The following PIN1 variants were observed in gnomAD, a reference collection of about 807,000 sequenced individuals.
PIN1 encodes peptidylprolyl cis/trans isomerase, NIMA-interacting 1.
A neutral mutation model predicts 19.9 loss-of-function variants in PIN1; 8 were observed. The observed-to-expected ratio is 0.40, with a 90% CI of 0.24 to 0.72. The LOEUF is 0.72. Among genes scored for constraint, PIN1 ranks in the 30% least tolerant of loss-of-function variants. The probability of loss-of-function intolerance (pLI) is 0.37; values close to 1 mark genes in which losing one functional copy is unlikely to be tolerated. For missense variants in PIN1, 185 were observed against 226.5 expected, an observed-to-expected ratio of 0.82 and a Z score of 1.18; for synonymous variants, 86 against 90.8, an observed-to-expected ratio of 0.95 and a Z score of 0.30.
chr19:9,845,372 C>CGTTTTTTT (rs1255254850), intron 2 of PIN1, among the ~76,000 whole-genome samples: 1 of 94,468 alleles, frequency 1.1e-5, no homozygotes, highest in African/African-American at 3.7e-5. Context: ...CAAGAGAAAG[C>CGTTTTTTT]GTTTTTTTGT....
At chr19:9,848,559 T>C (rs1599456396) in intron 3 of PIN1, 7 of 262,158 alleles carry the variant, frequency 2.7e-5, no homozygotes, top group East Asian at 9.8e-5. Context: ...GCCCTGAGTT[T>C]AGGCCTGTCT....
intron 2 of PIN1, among the ~76,000 whole-genome samples, chr19:9,845,984 C>G (rs1432664728): frequency 6.6e-6 from 1 of 152,062 alleles, no homozygotes; most frequent in African/African-American, 2.4e-5. Flanking sequence ...GCTTAGTGGT[C>G]CAGACAGAAG....
chr19:9,838,362 G>A lies in PIN1; in HGVS notation c.59-74G>A. ...CCCCTGCAAGCCAGGCCCTCACCCT[G>A]GCTTCTGGCTGTGGGCCCAGGGGTG... On this transcript the variant is annotated intron_variant, in intron 1 of 3. Transcript: ENST00000247970. This position sits in a 1 kb window ranked among gnomAD's most constrained non-coding sequence, Gnocchi z 5.8. The A allele has an allele frequency of 8.2e-7, 1 of 1,226,520 alleles. No homozygotes were observed. The highest frequency in any genetic ancestry group is 2.0e-5 in the Admixed American group (1 of 50,620). 76.0% of individuals were successfully genotyped at this position (1,226,520 alleles called of 1,614,324 possible). A position where few individuals can be genotyped will look rare whatever the true frequency, so the allele number is the denominator to read the frequency against.
chr19:9,849,156 T>C lies in PIN1; in HGVS notation c.449T>C (p.Val150Ala). ...CGGACGGGGGAGATGAGCGGGCCCGTGTTCACGGATTCCGGCATCCACATC... is the reference window on the plus strand; with the variant it reads ...CGGACGGGGGAGATGAGCGGGCCCGCGTTCACGGATTCCGGCATCCACATC... Reference protein sequence around the residue: ...ALRTGEMSGPVFTDSGIHIIL... With the variant: ...ALRTGEMSGPAFTDSGIHIIL... Residue 150 changes from valine (V) to alanine (A), a missense_variant, in exon 4 of 4, where the codon GTG becomes GCG. Transcript: ENST00000247970. The C allele has an allele frequency of 6.2e-7, 1 of 1,613,500 alleles. No homozygotes were observed. Among genetic ancestry groups the C allele is most frequent in the Non-Finnish European group, 8.5e-7 (1 of 1,179,726 alleles).
At chr19:9,835,704 C>T (rs1232149766) in intron 1 of PIN1, 3 of 419,878 alleles carry the variant, frequency 7.1e-6, no homozygotes, top group Non-Finnish European at 1.3e-5. Context: ...ACCTGACACC[C>T]CGGGGGACGT....
rs141474022 is a variant in PIN1, at chr19:9,840,213, C to G, written c.271+1565C>G. ...ACCATCCTGGCTAACACGGTGAAAC[C>G]CTGTCTTTACTGAAAATCCAAAAAA... On this transcript the variant is annotated intron_variant, in intron 2 of 3. Transcript: ENST00000247970. Among the ~76,000 whole-genome samples, 1,322 of 152,138 alleles carry G rather than the reference C, an allele frequency of 8.7e-3. 34 individuals are homozygous for G. The highest frequency in any genetic ancestry group is 0.048 in the Admixed American group (734 of 15,274).
intron 1 of PIN1, chr19:9,835,609 A>C: frequency 2.7e-6 from 1 of 371,108 alleles, no homozygotes; most frequent in Non-Finnish European, 4.7e-6. Context: ...AAGCTGAGGC[A>C]GGGGGCTGGG....
At chr19:9,835,603 T>C (rs2046094533) in intron 1 of PIN1, 1 of 497,010 alleles carries the variant, frequency 2.0e-6, no homozygotes, top group African/African-American at 2.0e-5. Flanking sequence ...CTGAGGAAGC[T>C]GAGGCAGGGG....
chr19:9,844,065 G>A (rs1438933956), intron 2 of PIN1, among the ~76,000 whole-genome samples: 6 of 151,924 alleles, frequency 3.9e-5, no homozygotes, highest in African/African-American at 1.2e-4. Flanking sequence ...AAAAAGGGGC[G>A]CTAATCCTGT....
chr19:9,842,189 A>T (rs1284123515), intron 2 of PIN1, among the ~76,000 whole-genome samples: 1 of 152,082 alleles, frequency 6.6e-6, no homozygotes, highest in African/African-American at 2.4e-5. Context: ...GTGGAAGAAG[A>T]AGTGAGAGGG....
intron 1 of PIN1, chr19:9,836,901 A>G (rs1249572857): frequency 2.4e-6 from 3 of 1,245,922 alleles, no homozygotes; most frequent in South Asian, 2.5e-5. Flanking sequence ...TGCCATCTAT[A>G]CAATAGAGAT....
intron 2 of PIN1, 49 bp from the exon 3 acceptor site, chr19:9,847,980 GC>G (rs752935955): frequency 1.1e-4 from 127 of 1,188,058 alleles, no homozygotes; most frequent in Middle Eastern, 1.9e-4. Flanking sequence ...GTCTGGTCAG[GC>G]CCCCCCCAAC....
At chr19:9,844,206 C>T (rs1000632387) in intron 2 of PIN1, among the ~76,000 whole-genome samples, 14 of 151,944 alleles carry the variant, frequency 9.2e-5, no homozygotes, top group African/African-American at 3.2e-4. Context: ...ACATTGAGTC[C>T]ATAACGGATG....
At position 9,838,617 on chromosome 19, in the gene PIN1, G is replaced by C. The variant is rs1318146334; in HGVS notation, c.240G>C (p.Arg80=). 15 of 1,549,100 alleles carry C rather than the reference G, an allele frequency of 9.7e-6. No homozygotes were observed. The highest frequency in any genetic ancestry group is 1.4e-5 in the African/African-American group (1 of 73,460). ...PSSWRQEKIT[R]TKEEALELIN... The stretch of plus-strand genomic sequence containing the variant: ...CCTGGCGGCAGGAGAAGATCACCCG[G>C]ACCAAGGAGGAGGCCCTGGAGCTGA... Residue 80 remains arginine (R), a synonymous_variant, in exon 2 of 4, where the codon CGG becomes CGC. Coordinates refer to ENST00000247970, the MANE Select transcript of PIN1 (RefSeq NM_006221.4). The surrounding 1 kb of genome is among the most constrained non-coding windows in gnomAD (Gnocchi z 5.8).
chr19:9,840,862 G>C (rs2046159031), intron 2 of PIN1, among the ~76,000 whole-genome samples: 1 of 152,184 alleles, frequency 6.6e-6, no homozygotes, highest in Non-Finnish European at 1.5e-5. Context: ...CTCCCGAAGT[G>C]TTGGGATGAC....
Position 9,838,757 on chromosome 19 carries a change from G to T in PIN1, c.271+109G>T. 1 of 861,608 alleles carries T rather than the reference G, an allele frequency of 1.2e-6. No homozygotes were observed. Among genetic ancestry groups the T allele is most frequent in the Non-Finnish European group, 1.8e-6 (1 of 559,224 alleles). 53.4% of individuals were successfully genotyped at this position (861,608 alleles called of 1,614,324 possible). A position where few individuals can be genotyped will look rare whatever the true frequency, so the allele number is the denominator to read the frequency against. ...AGCTTGCTCAGCTGCCAGGCGTGGT[G>T]TTGGCCAACACAAAAACGCCAGTGC... is the stretch of plus-strand genomic sequence containing the variant. On this transcript the variant is annotated intron_variant, in intron 2 of 3. Transcript: ENST00000247970. This position sits in a 1 kb window ranked among gnomAD's most constrained non-coding sequence, Gnocchi z 5.8.
chr19:9,849,057 C>T, intron 3 of PIN1, 33 bp from the exon 4 acceptor site: 4 of 1,471,506 alleles, frequency 2.7e-6, no homozygotes, highest in Non-Finnish European at 3.8e-6. Context: ...CCAGCCCAGC[C>T]CTGACACCCC....
chr19:9,835,495 C>A, intron 1 of PIN1, 93 bp downstream of exon 1: 1 of 864,572 alleles, frequency 1.2e-6, no homozygotes, highest in Non-Finnish European at 1.6e-6. Context: ...GCGCTGCCTC[C>A]CTCCCATGGG....
intron 2 of PIN1, among the ~76,000 whole-genome samples, chr19:9,844,376 C>G (rs1599453069): frequency 6.6e-6 from 1 of 152,212 alleles, no homozygotes; most frequent in African/African-American, 2.4e-5. Flanking sequence ...GCCAGACTCT[C>G]ATTGTTCAGG....
Sources: gnomAD v4.1 joint callset for allele counts (sites outside exome capture counted in the v4.1 genomes callset) on GRCh38, gnomAD v4.1.1 for gene constraint, Gnocchi (gnomAD v3.1) non-coding constraint, MANE v1.5 for transcripts, NCBI Gene and HGNC (gene_info 2026-07-23, HGNC 2026-07-21) for gene names.